CMBL: variants seen among roughly 807,000 people sequenced by gnomAD.
CMBL encodes carboxymethylenebutenolidase homolog.
In CMBL, 17 loss-of-function variants were observed where a neutral mutation model predicts 28.7. The observed-to-expected ratio is 0.59, with a 90% CI of 0.41 to 0.89. The LOEUF (loss-of-function observed/expected upper bound fraction) is 0.89, where lower values mean the gene tolerates loss of function less well. CMBL is among the 40% of genes least tolerant of loss of function. CMBL has a pLI of 0.00. For missense variants in CMBL, 310 were observed against 298.5 expected (o/e 1.04, Z -0.28); for synonymous variants, 106 against 101.6 (o/e 1.04, Z -0.26).
chr5:10,304,808 G>A (rs1277493938), intron 1 of CMBL, among the ~76,000 whole-genome samples: 1 of 152,046 alleles, frequency 6.6e-6, no homozygotes, highest in Non-Finnish European at 1.5e-5. Context: ...AGGGGAAAGA[G>A]TCCATTAATT....
chr5:10,278,729 C>G lies in CMBL; in HGVS notation c.*1724G>C, dbSNP rs780270422. Among the ~76,000 whole-genome samples the G allele has an allele frequency of 9.2e-5, 14 of 152,136 alleles. No individual in the cohort carries two copies. Among genetic ancestry groups the G allele is most frequent in the Admixed American group, 3.3e-4 (5 of 15,270 alleles). On this transcript the variant is annotated 3_prime_UTR_variant, in exon 6 of 6. Coordinates refer to ENST00000296658, the MANE Select transcript of CMBL (RefSeq NM_138809.4). ...GTTCTGATGAGTTGCCTCCTCTACCCCATCCTAACTTCTTTCCCGGTCAGG... is the reference window on the plus strand; with the variant it reads ...GTTCTGATGAGTTGCCTCCTCTACCGCATCCTAACTTCTTTCCCGGTCAGG...
In CMBL at chr5:10,279,869, ACTCTATCATT is replaced by A. The variant is rs1410508662; in HGVS notation, c.*574_*583del. 1.3e-5 allele frequency: 2 copies of A among 150,552 alleles called. No individual in the cohort carries two copies. Among genetic ancestry groups the A allele is most frequent in the South Asian group, 2.1e-4 (1 of 4,748 alleles). The allele number at this position is 150,552 out of a possible 1,614,324, so 9.3% of individuals were successfully genotyped here. ...GGTTTTAACTAATAATTAGGGTATTACTCTATCATTCTCTATCATTCAAATTCTCCAGGTA... is the reference window on the plus strand; with the variant it reads ...GGTTTTAACTAATAATTAGGGTATTACTCTATCATTCAAATTCTCCAGGTA... On this transcript the variant is annotated 3_prime_UTR_variant, in exon 6 of 6. Coordinates refer to ENST00000296658, the MANE Select transcript of CMBL (RefSeq NM_138809.4).
intron 3 of CMBL, among the ~76,000 whole-genome samples, chr5:10,286,792 C>T (rs978814984): frequency 2.0e-5 from 3 of 152,282 alleles, no homozygotes; most frequent in Admixed American, 1.3e-4. Context: ...CTTCCACAGC[C>T]TGGGGATGAA....
At chr5:10,284,671 G>A (rs1746564959) in intron 4 of CMBL, among the ~76,000 whole-genome samples, 1 of 152,238 alleles carries the variant, frequency 6.6e-6, no homozygotes. Context: ...TCGGCCAGGT[G>A]AGGCTATGAT....
chr5:10,286,286 C>T (rs528008731), intron 4 of CMBL, 68 bp downstream of exon 4: 1 of 1,479,658 alleles, frequency 6.8e-7, no homozygotes, highest in African/African-American at 1.4e-5. Flanking sequence ...GATGGGGAGG[C>T]TTGTGATTGT....
At chr5:10,288,623 T>C in intron 2 of CMBL, 94 bp from the exon 3 acceptor site, 1 of 965,998 alleles carries the variant, frequency 1.0e-6, no homozygotes, top group South Asian at 1.3e-5. Flanking sequence ...CGTTGGCGAT[T>C]CTGGCTCAGA....
chr5:10,306,855 T>C (rs1176266409), intron 1 of CMBL, among the ~76,000 whole-genome samples: 2 of 152,190 alleles, frequency 1.3e-5, no homozygotes, highest in African/African-American at 4.8e-5. Context: ...GAATCTGCTT[T>C]TTCTCTGGCT....
chr5:10,294,854 G>A (rs1438686600), intron 1 of CMBL, among the ~76,000 whole-genome samples: 1 of 152,204 alleles, frequency 6.6e-6, no homozygotes, highest in African/African-American at 2.4e-5. Flanking sequence ...GATGGAGTGT[G>A]TTTAAATGAG....
At chr5:10,281,739 A>G (rs958781601) in intron 5 of CMBL, among the ~76,000 whole-genome samples, 4 of 152,222 alleles carry the variant, frequency 2.6e-5, no homozygotes, top group Non-Finnish European at 5.9e-5. Context: ...ATACTTCCAC[A>G]CTGGAATTAT....
intron 1 of CMBL, among the ~76,000 whole-genome samples, chr5:10,299,844 A>C (rs1278256206): frequency 2.0e-5 from 3 of 151,710 alleles, no homozygotes; most frequent in Non-Finnish European, 4.4e-5. Context: ...TAAAAAAAAG[A>C]GAGAGAGAGA....
At chr5:10,293,802 A>G (rs927816712) in intron 1 of CMBL, among the ~76,000 whole-genome samples, 3 of 152,274 alleles carry the variant, frequency 2.0e-5, no homozygotes, top group Non-Finnish European at 2.9e-5. Flanking sequence ...ACAGCAGAGC[A>G]TGAAACAAAT....
chr5:10,289,931 G>C lies in CMBL; in HGVS notation c.215+617C>G, dbSNP rs1375948794. ...TGGGTTGATGCTTTCCGACGCTGGA[G>C]AGGAAGGAAGGTTCTGGCCCTCCTC... On this transcript the variant is annotated intron_variant, in intron 2 of 5. Coordinates refer to ENST00000296658, the MANE Select transcript of CMBL (RefSeq NM_138809.4). This position sits in a 1 kb window ranked among gnomAD's most constrained non-coding sequence, Gnocchi z 4.3. 6.6e-6 allele frequency among the ~76,000 whole-genome samples: 1 copy of C among 152,242 alleles called. No individual in the cohort carries two copies. The highest frequency in any genetic ancestry group is 2.4e-5 in the African/African-American group (1 of 41,472).
chr5:10,306,836 G>A (rs1747009012), intron 1 of CMBL, among the ~76,000 whole-genome samples: 1 of 152,152 alleles, frequency 6.6e-6, no homozygotes, highest in Non-Finnish European at 1.5e-5. Flanking sequence ...TGCCAACGAC[G>A]CCCCTGCAGA....
rs370733159 is a variant in CMBL at position 10,297,304 on chromosome 5, T to C, written c.-19-6523A>G. On this transcript the variant is annotated intron_variant, in intron 1 of 5. Coordinates refer to ENST00000296658, the MANE Select transcript of CMBL (RefSeq NM_138809.4). ...GAGCAAAGAGGCCGGGCGTGGTGGC[T>C]CACACCTGTAATCCCAGCACTTTGG... 1.1e-4 allele frequency among the ~76,000 whole-genome samples: 16 copies of C among 152,130 alleles called. No homozygotes were observed. In the East Asian group the frequency reaches 1.5e-3, roughly 15 times the overall value.
Position 10,286,455 on chromosome 5 carries a change from T to C in CMBL, c.365A>G (p.His122Arg). ...AILKYLKQQCHAQKIGIVGFC... is the reference protein window; with the variant it reads ...AILKYLKQQCRAQKIGIVGFC... ...TCCCACGATGCCAATTTTCTGGGCATGACACTGTTGTTTCAGATACTTCAA... is the reference window on the plus strand; with the variant it reads ...TCCCACGATGCCAATTTTCTGGGCACGACACTGTTGTTTCAGATACTTCAA... The change falls in exon 4 of 6, where the codon CAT becomes CGT. Residue 122 changes from histidine to arginine, a missense_variant. His to Arg is a conservative substitution (Grantham distance 29, BLOSUM62 0). Coordinates refer to ENST00000296658, the MANE Select transcript of CMBL (RefSeq NM_138809.4). 2 of 1,614,136 alleles carry C rather than the reference T, an allele frequency of 1.2e-6. No homozygotes were observed. Among genetic ancestry groups the C allele is most frequent in the South Asian group, 2.2e-5 (2 of 91,076 alleles).
At chr5:10,291,230 A>G (rs927091862) in intron 1 of CMBL, among the ~76,000 whole-genome samples, 4 of 152,286 alleles carry the variant, frequency 2.6e-5, no homozygotes, top group Admixed American at 1.3e-4. Context: ...TAAGAGACCC[A>G]CGCCTGCAAT....
intron 1 of CMBL, among the ~76,000 whole-genome samples, chr5:10,306,362 G>A (rs1466847167): frequency 1.3e-5 from 2 of 152,220 alleles, no homozygotes; most frequent in African/African-American, 2.4e-5. Flanking sequence ...TGAGCCCGGA[G>A]GGGGCAGAGA....
At chr5:10,293,321 G>A (rs999263186) in intron 1 of CMBL, among the ~76,000 whole-genome samples, 1 of 152,246 alleles carries the variant, frequency 6.6e-6, no homozygotes, top group African/African-American at 2.4e-5. Flanking sequence ...GGAAGTCGCA[G>A]TTCAAGGGAC....
Position 10,301,688 on chromosome 5 carries a change from G to T in CMBL, c.-20+5937C>A, listed in dbSNP as rs189514154. Among the ~76,000 whole-genome samples the T allele has an allele frequency of 6.7e-3, 955 of 143,332 alleles. 3 individuals carry two copies. Among genetic ancestry groups the T allele is most frequent in the Non-Finnish European group, 0.011 (720 of 66,762 alleles). The allele number at this position is 143,332 out of a possible 152,430, so 94.0% of individuals were successfully genotyped here. A position where few individuals can be genotyped will look rare whatever the true frequency, so the allele number is the denominator to read the frequency against. ...ACGATCTCCGCTCACTGCAAACTCC[G>T]CCTCCCAGGTTCAAGCGATTCTCCT... On this transcript the variant is annotated intron_variant, in intron 1 of 5. Coordinates refer to ENST00000296658, the MANE Select transcript of CMBL (RefSeq NM_138809.4).
Sources: gnomAD v4.1 joint callset for allele counts (sites outside exome capture counted in the v4.1 genomes callset) on GRCh38, gnomAD v4.1.1 for gene constraint, Gnocchi (gnomAD v3.1) non-coding constraint, MANE v1.5 for transcripts, NCBI Gene and HGNC (gene_info 2026-07-23, HGNC 2026-07-21) for gene names.